The following DOCK8 variants were observed in gnomAD, a reference collection of about 807,000 sequenced individuals.
DOCK8 encodes the protein dedicator of cytokinesis 8.
DOCK8 carries 141 observed loss-of-function variants against 245.6 expected under a neutral mutation model. The ratio of observed to expected loss-of-function variants is 0.57; its 90% CI spans 0.50 to 0.66. The LOEUF (loss-of-function observed/expected upper bound fraction) is 0.66. Ranked by LOEUF, DOCK8 falls within the 30% of genes least tolerant of loss-of-function variation. The pLI, the probability that DOCK8 is intolerant of heterozygous loss-of-function variation, is 0.00. For synonymous variants in DOCK8, 1,168 were observed against 970.2 expected (o/e 1.20, Z -3.79); for missense variants, 2,965 against 2,603.4 (o/e 1.14, Z -3.02).
At chr9:299,007 A>T (rs555947027) in intron 4 of DOCK8, among the ~76,000 whole-genome samples, 175 of 152,016 alleles carry the variant, frequency 1.2e-3, no homozygotes, top group South Asian at 4.2e-3. Flanking sequence ...TTCTTTGGTA[A>T]TTTTTCCCCC....
intron 1 of DOCK8, among the ~76,000 whole-genome samples, chr9:243,814 T>C (rs916673069): frequency 1.3e-5 from 2 of 152,164 alleles, no homozygotes; most frequent in African/African-American, 4.8e-5. Context: ...TCCCCCTTTT[T>C]CTTCACAACT....
intron 42 of DOCK8, among the ~76,000 whole-genome samples, chr9:442,799 G>A (rs531572904): frequency 6.6e-6 from 1 of 151,354 alleles, no homozygotes; most frequent in East Asian, 1.9e-4. Flanking sequence ...TCACTCCTTA[G>A]GCTTTCATTG....
rs761208788 is a variant in DOCK8, at chr9:286,583, G to A, written c.279G>A (p.Val93=). Reference sequence around the variant, plus strand: ...ACTTCACTGATGACGACTTGGACGTGGTGTTCACGCCAAAGGAATGTAGGA... The same window carrying A: ...ACTTCACTGATGACGACTTGGACGTAGTGTTCACGCCAAAGGAATGTAGGA... ...LGDFTDDDLD[V]VFTPKECRTL... Residue 93 remains valine (V), a synonymous_variant, in exon 3 of 48, where the codon GTG becomes GTA. Transcript: ENST00000432829. 6.2e-7 allele frequency: 1 copy of A among 1,613,966 alleles called. No individual in the cohort carries two copies. The highest frequency in any genetic ancestry group is 1.7e-5 in the Admixed American group (1 of 59,998).
intron 37 of DOCK8, 50 bp downstream of exon 37, chr9:432,374 A>T: frequency 1.3e-6 from 2 of 1,568,130 alleles, no homozygotes; most frequent in Non-Finnish European, 1.8e-6. Flanking sequence ...GGATCTGCCA[A>T]CTATTGTGTA....
At chr9:289,845 C>A (rs1430523559) in intron 4 of DOCK8, among the ~76,000 whole-genome samples, 1 of 152,168 alleles carries the variant, frequency 6.6e-6, no homozygotes, top group Non-Finnish European at 1.5e-5. Flanking sequence ...CCATAGTTTA[C>A]ATTAATGTTT....
chr9:237,323 A>C (rs141853200), intron 1 of DOCK8, among the ~76,000 whole-genome samples: 2 of 152,388 alleles, frequency 1.3e-5, no homozygotes, highest in Non-Finnish European at 2.9e-5. Flanking sequence ...TCAGCCAGGC[A>C]GAAAGATGGT....
At chr9:281,175 A>G (rs1215281647) in intron 2 of DOCK8, among the ~76,000 whole-genome samples, 2 of 152,116 alleles carry the variant, frequency 1.3e-5, no homozygotes, top group African/African-American at 4.8e-5. Context: ...AATTTCTTGA[A>G]CCCAGGAGGT....
intron 26 of DOCK8, among the ~76,000 whole-genome samples, chr9:401,408 G>A (rs62531872): frequency 0.02 from 3,050 of 152,192 alleles, 52 homozygotes; most frequent in Admixed American, 0.029. Context: ...GGAGGATTAG[G>A]GCAGAAGCTT....
chr9:376,184 A>G (rs1198795313), intron 18 of DOCK8, 26 bp from the exon 19 acceptor site: 2 of 1,516,556 alleles, frequency 1.3e-6, no homozygotes, highest in Admixed American at 1.7e-5. Context: ...TGGATTGCTA[A>G]TCTTTTTTTT....
At chr9:379,043 C>T (rs2053631271) in intron 20 of DOCK8, among the ~76,000 whole-genome samples, 3 of 152,106 alleles carry the variant, frequency 2.0e-5, no homozygotes, top group Admixed American at 2.0e-4. Flanking sequence ...GTGAGGAGGG[C>T]TTCCTAGGCG....
intron 44 of DOCK8, among the ~76,000 whole-genome samples, chr9:447,018 G>T (rs754048430): frequency 6.6e-6 from 1 of 152,076 alleles, no homozygotes; most frequent in Admixed American, 6.6e-5. Flanking sequence ...ACCTGCACGT[G>T]GGCAGCCCCA....
intron 29 of DOCK8, among the ~76,000 whole-genome samples, chr9:417,185 C>A (rs945831917): frequency 6.6e-6 from 1 of 151,990 alleles, no homozygotes; most frequent in Non-Finnish European, 1.5e-5. Context: ...CCCAGCTACT[C>A]GGGAGGCTGA....
chr9:403,633 G>A (rs60928599), intron 26 of DOCK8, among the ~76,000 whole-genome samples: 14,127 of 151,774 alleles, frequency 0.093, 1,692 homozygotes, highest in African/African-American at 0.28. Context: ...GGAGGCCAAG[G>A]CGGGAGGATC....
intron 4 of DOCK8, among the ~76,000 whole-genome samples, chr9:297,236 C>T (rs1470677447): frequency 6.6e-6 from 1 of 152,176 alleles, no homozygotes; most frequent in Non-Finnish European, 1.5e-5. Flanking sequence ...CCCCCTATTT[C>T]ATACTTGAGG....
intron 4 of DOCK8, among the ~76,000 whole-genome samples, chr9:301,006 A>C (rs1230987583): frequency 2.0e-5 from 3 of 152,258 alleles, no homozygotes. Flanking sequence ...AGCCAGCATC[A>C]TTCTGATACC....
At chr9:236,096 T>G (rs1313247424) in intron 1 of DOCK8, among the ~76,000 whole-genome samples, 1 of 152,214 alleles carries the variant, frequency 6.6e-6, no homozygotes, top group Non-Finnish European at 1.5e-5. Flanking sequence ...TGGTTGGCCC[T>G]GCAGGCTTGG....
At chr9:312,284 G>A (rs2050158832) in intron 6 of DOCK8, 118 bp downstream of exon 6, 3 of 1,236,464 alleles carry the variant, frequency 2.4e-6, no homozygotes, top group East Asian at 2.5e-5. Context: ...TCACTTGTAT[G>A]ATTTCTGGGG....
intron 1 of DOCK8, among the ~76,000 whole-genome samples, chr9:259,219 C>T (rs762036598): frequency 9.9e-5 from 15 of 151,926 alleles, no homozygotes; most frequent in Non-Finnish European, 2.9e-5. Flanking sequence ...AGGAGGATCT[C>T]GTAAGTCCTG....
At chr9:378,296 C>A (rs79668280) in intron 20 of DOCK8, among the ~76,000 whole-genome samples, 7,740 of 152,208 alleles carry the variant, frequency 0.051, 289 homozygotes, top group African/African-American at 0.1. Context: ...AGAATAGGGG[C>A]AATGAGATGA....
Sources: allele counts gnomAD v4.1 joint callset (sites outside exome capture counted in the v4.1 genomes callset), GRCh38; gene constraint gnomAD v4.1.1; transcripts MANE v1.5; gene names NCBI Gene and HGNC (gene_info 2026-07-23, HGNC 2026-07-21).